PTPRN2: variants seen among roughly 807,000 people sequenced by gnomAD.
PTPRN2 encodes protein tyrosine phosphatase receptor type N2.
Under a neutral mutation model 118.8 loss-of-function variants are expected in PTPRN2, and 74 were observed. That is an observed-to-expected ratio of 0.62 (90% confidence interval 0.52 to 0.76). PTPRN2 has a LOEUF of 0.76. PTPRN2 is among the 30% of genes least tolerant of loss of function. The probability of loss-of-function intolerance (pLI) is 0.00; values close to 1 mark genes in which losing one functional copy is unlikely to be tolerated. For missense variants in PTPRN2, 1,481 were observed against 1,394.4 expected, an observed-to-expected ratio of 1.06 and a Z score of -0.99; for synonymous variants, 641 against 608.0, an observed-to-expected ratio of 1.05 and a Z score of -0.80.
At chr7:158,425,966 C>A (rs558008582) in intron 2 of PTPRN2, among the ~76,000 whole-genome samples, 480 of 112,266 alleles carry the variant, frequency 4.3e-3, no homozygotes, top group Non-Finnish European at 6.5e-3. Context: ...GACGCAGAGT[C>A]CGAGACCAGC....
chr7:158,521,459 G>A (rs10229100), intron 1 of PTPRN2, among the ~76,000 whole-genome samples: 72,078 of 145,688 alleles, frequency 0.49, 18,092 homozygotes, highest in East Asian at 0.72. Flanking sequence ...TCAGCAAGAT[G>A]CTGAAGCAGT....
chr7:158,167,257 T>G lies in PTPRN2; in HGVS notation c.584A>C (p.Tyr195Ser), dbSNP rs1212363201. The change falls in exon 6 of 23, where the codon TAT becomes TCT. Residue 195 changes from tyrosine (Y) to serine (S), a missense_variant. Physicochemically the swap from Tyr to Ser is moderately radical, Grantham distance 144. Transcript: ENST00000389418. ...GGTCAGCGCAGACGTGTGGGCCACA[T>G]AGGTCAGGATGCTCTCGGAGAAGCG... ...DDRFSESILT[Y>S]VAHTSALTYP... 6.2e-7 allele frequency: 1 copy of G among 1,609,564 alleles called. No homozygotes were observed. Among genetic ancestry groups the G allele is most frequent in the Admixed American group, 1.7e-5 (1 of 59,484 alleles).
intron 2 of PTPRN2, among the ~76,000 whole-genome samples, chr7:158,320,992 G>A (rs534951725): frequency 8.5e-5 from 13 of 152,162 alleles, no homozygotes; most frequent in South Asian, 6.2e-4. Flanking sequence ...TTGTTCTTCC[G>A]GGTCACTTGG....
At chr7:158,456,343 A>G (rs1818494787) in intron 2 of PTPRN2, among the ~76,000 whole-genome samples, 1 of 146,810 alleles carries the variant, frequency 6.8e-6, no homozygotes, top group African/African-American at 2.6e-5. Flanking sequence ...TCTGCAGAGA[A>G]GATAACAGCA....
intron 3 of PTPRN2, among the ~76,000 whole-genome samples, chr7:158,209,232 A>C (rs1827396409): frequency 6.6e-6 from 1 of 152,178 alleles, no homozygotes; most frequent in African/African-American, 2.4e-5. Flanking sequence ...ACATGGACTA[A>C]ACTCTCCAAT....
chr7:158,381,949 A>G (rs1303068302), intron 2 of PTPRN2, among the ~76,000 whole-genome samples: 1 of 152,162 alleles, frequency 6.6e-6, no homozygotes, highest in Non-Finnish European at 1.5e-5. Flanking sequence ...ACCCACTCCC[A>G]TGATTCAAGT....
At position 157,784,751 on chromosome 7, in the gene PTPRN2, C is replaced by T. The variant is rs1803916232; in HGVS notation, c.1789-101814G>A. On this transcript the variant is annotated intron_variant, in intron 12 of 22. Transcript: ENST00000389418. The surrounding 1 kb of genome is among the most constrained non-coding windows in gnomAD (Gnocchi z 4.6). ...AAACCGAGGGCCCCCTGGGTCTCGA[C>T]ATTTCACCGCAAACCCTGACCCCAC... Among the ~76,000 whole-genome samples the T allele has an allele frequency of 6.6e-6, 1 of 152,136 alleles. No homozygotes were observed. Among genetic ancestry groups the T allele is most frequent in the Non-Finnish European group, 1.5e-5 (1 of 68,018 alleles).
rs73745042 is a variant in PTPRN2 at position 157,964,514 on chromosome 7, T to C, written c.1724-65777A>G. Among the ~76,000 whole-genome samples the C allele has an allele frequency of 0.011, 1,679 of 151,972 alleles. 33 individuals are homozygous for C. The highest frequency in any genetic ancestry group is 0.039 in the African/African-American group (1,608 of 41,456). On this transcript the variant is annotated intron_variant, in intron 11 of 22. Transcript: ENST00000389418. This position sits in a 1 kb window ranked among gnomAD's most constrained non-coding sequence, Gnocchi z 9.0. ...TTGGGAATGAGGGGAATTCATCCATTTGAGGTTAAATGTTTGCCAATCTAA... is the reference window on the plus strand; with the variant it reads ...TTGGGAATGAGGGGAATTCATCCATCTGAGGTTAAATGTTTGCCAATCTAA...
chr7:158,074,928 C>T (rs1456960038), intron 11 of PTPRN2, among the ~76,000 whole-genome samples: 1 of 152,248 alleles, frequency 6.6e-6, no homozygotes, highest in Admixed American at 6.5e-5. Flanking sequence ...AACGCAGTTT[C>T]CTAGCCCTTG....
At chr7:157,850,750 T>C (rs994858905) in intron 12 of PTPRN2, among the ~76,000 whole-genome samples, 6 of 152,126 alleles carry the variant, frequency 3.9e-5, no homozygotes, top group Admixed American at 3.3e-4. Context: ...GGCTGGGGCA[T>C]GGAGGCGGAA....
chr7:158,021,071 C>T (rs1162721863), intron 11 of PTPRN2, among the ~76,000 whole-genome samples: 1 of 152,206 alleles, frequency 6.6e-6, no homozygotes, highest in Non-Finnish European at 1.5e-5. Context: ...ATTGCCCTGC[C>T]TTAGTTGCTG....
At chr7:157,691,136 C>T (rs1459730392) in intron 12 of PTPRN2, among the ~76,000 whole-genome samples, 1 of 150,830 alleles carries the variant, frequency 6.6e-6, no homozygotes, top group East Asian at 2.0e-4. Flanking sequence ...ACACCCTCTC[C>T]CGCCCGAGAC....
chr7:157,728,167 G>T (rs1474348482), intron 12 of PTPRN2, among the ~76,000 whole-genome samples: 1 of 152,200 alleles, frequency 6.6e-6, no homozygotes, highest in East Asian at 1.9e-4. Context: ...GGGGTGTCCG[G>T]GTCCCACGAA....
At position 157,787,372 on chromosome 7, in the gene PTPRN2, C is replaced by G. The variant is rs1804129146; in HGVS notation, c.1789-104435G>C. Among the ~76,000 whole-genome samples, 1 of 152,160 alleles carries G rather than the reference C, an allele frequency of 6.6e-6. No homozygotes were observed. ...GCGACAGGAGGGGGTCTGGCCTCTGCTGGGAGTGACATCTGAAGATGCCAT... is the reference window on the plus strand; with the variant it reads ...GCGACAGGAGGGGGTCTGGCCTCTGGTGGGAGTGACATCTGAAGATGCCAT... On this transcript the variant is annotated intron_variant, in intron 12 of 22. Coordinates refer to ENST00000389418, the MANE Select transcript of PTPRN2 (RefSeq NM_002847.5). This position sits in a 1 kb window ranked among gnomAD's most constrained non-coding sequence, Gnocchi z 5.3.
rs996436081 is a variant in PTPRN2, at chr7:158,003,244, T to A, written c.1723+78054A>T. Among the ~76,000 whole-genome samples, 3 of 151,018 alleles carry A rather than the reference T, an allele frequency of 2.0e-5. No homozygotes were observed. Among genetic ancestry groups the A allele is most frequent in the Admixed American group, 2.0e-4 (3 of 15,154 alleles). Reference sequence around the variant, plus strand: ...CTTGGCTAACACGGTGAAACCCCGTTTCTACTAAAAATACAAAAAATTAGC... The same window carrying A: ...CTTGGCTAACACGGTGAAACCCCGTATCTACTAAAAATACAAAAAATTAGC... On this transcript the variant is annotated intron_variant, in intron 11 of 22. Transcript: ENST00000389418. The surrounding 1 kb of genome is among the most constrained non-coding windows in gnomAD (Gnocchi z 5.0).
intron 5 of PTPRN2, among the ~76,000 whole-genome samples, chr7:158,177,460 C>A (rs1226098258): frequency 6.6e-6 from 1 of 152,098 alleles, no homozygotes; most frequent in Non-Finnish European, 1.5e-5. Context: ...AATTGACATA[C>A]AATAAACAGT....
rs146903323 is a variant in PTPRN2, at chr7:158,324,387, A to G, written c.164-7455T>C. ...TAAAAGAAAATGGAGATGTCCGTGG[A>G]AGTGTTTAAGACCATCAGCTAGAAG... On this transcript the variant is annotated intron_variant, in intron 2 of 22. Coordinates refer to ENST00000389418, the MANE Select transcript of PTPRN2 (RefSeq NM_002847.5). Among the ~76,000 whole-genome samples, 106 of 152,312 alleles carry G rather than the reference A, an allele frequency of 7.0e-4. 1 individual carries two copies. The highest frequency in any genetic ancestry group is 2.4e-3 in the African/African-American group (99 of 41,558).
At chr7:158,241,207 G>T (rs567855379) in intron 3 of PTPRN2, among the ~76,000 whole-genome samples, 1 of 152,134 alleles carries the variant, frequency 6.6e-6, no homozygotes, top group Admixed American at 6.6e-5. Context: ...ATTTGCTGAC[G>T]GACTTTAATT....
At chr7:158,550,140 G>A (rs1354048372) in intron 1 of PTPRN2, among the ~76,000 whole-genome samples, 4 of 152,244 alleles carry the variant, frequency 2.6e-5, no homozygotes, top group African/African-American at 9.6e-5. Flanking sequence ...TGAGGGCTGC[G>A]CACCAGGCGT....
Sources: allele counts gnomAD v4.1 joint callset (sites outside exome capture counted in the v4.1 genomes callset), GRCh38; gene constraint gnomAD v4.1.1; non-coding constraint Gnocchi (gnomAD v3.1); transcripts MANE v1.5; gene names NCBI Gene and HGNC (gene_info 2026-07-23, HGNC 2026-07-21).